Variants in CHL1 observed in about 807,000 individuals in gnomAD.
CHL1 encodes the protein neural cell adhesion molecule L1-like protein.
In CHL1, 96 loss-of-function variants were observed where a neutral mutation model predicts 141.9. The observed-to-expected ratio is 0.68, with a 90% CI of 0.57 to 0.80. The LOEUF (loss-of-function observed/expected upper bound fraction) is 0.80. Among genes scored for constraint, CHL1 ranks in the 30% least tolerant of loss-of-function variants. The probability of loss-of-function intolerance (pLI) is 0.00; values close to 1 mark genes in which losing one functional copy is unlikely to be tolerated. For synonymous variants in CHL1, 613 were observed against 502.2 expected, an observed-to-expected ratio of 1.22 and a Z score of -2.95; for missense variants, 1,820 against 1,457.2, an observed-to-expected ratio of 1.25 and a Z score of -4.05.
chr3:299,082 C>A (rs2124883934), intron 2 of CHL1, among the ~76,000 whole-genome samples: 1 of 152,264 alleles, frequency 6.6e-6, no homozygotes, highest in African/African-American at 2.4e-5. Flanking sequence ...TGAGTAACCT[C>A]CCATGTGCCA....
intron 2 of CHL1, among the ~76,000 whole-genome samples, chr3:249,366 A>G (rs569177200): frequency 6.6e-6 from 1 of 152,154 alleles, no homozygotes; most frequent in Non-Finnish European, 1.5e-5. Context: ...ATTTACCACA[A>G]CATCCCCACC....
At chr3:401,348 G>C (rs930881884) in intron 26 of CHL1, among the ~76,000 whole-genome samples, 19 of 152,168 alleles carry the variant, frequency 1.2e-4, no homozygotes, top group Admixed American at 3.9e-4. Flanking sequence ...CTTCCAATAA[G>C]ACTTCTCGTT....
At chr3:227,313 A>T (rs1374417424) in intron 1 of CHL1, among the ~76,000 whole-genome samples, 1 of 152,226 alleles carries the variant, frequency 6.6e-6, no homozygotes, top group Non-Finnish European at 1.5e-5. Flanking sequence ...GGAAATCCAA[A>T]GTTGGGGTCT....
chr3:289,872 T>C (rs1292939778), intron 2 of CHL1, among the ~76,000 whole-genome samples: 1 of 151,012 alleles, frequency 6.6e-6, no homozygotes, highest in African/African-American at 2.4e-5. Context: ...GCATCAAATA[T>C]ACCAAAAAAA....
chr3:251,523 C>CA (rs1189940593), intron 2 of CHL1, among the ~76,000 whole-genome samples: 3 of 152,084 alleles, frequency 2.0e-5, no homozygotes, highest in African/African-American at 4.8e-5. Context: ...TGATCTTAGG[C>CA]AAACCATTTT....
chr3:300,281 C>A (rs115846492), intron 2 of CHL1, among the ~76,000 whole-genome samples: 11 of 152,098 alleles, frequency 7.2e-5, no homozygotes, highest in African/African-American at 1.9e-4. Flanking sequence ...AATAAATGAA[C>A]CTTTGGATTT....
intron 19 of CHL1, among the ~76,000 whole-genome samples, chr3:386,369 G>T (rs1215694415): frequency 6.6e-6 from 1 of 152,078 alleles, no homozygotes; most frequent in Non-Finnish European, 1.5e-5. Context: ...TAACTTAATG[G>T]TAGAACTAGG....
intron 2 of CHL1, among the ~76,000 whole-genome samples, chr3:296,644 A>G (rs555297018): frequency 6.6e-6 from 1 of 152,252 alleles, no homozygotes; most frequent in South Asian, 2.1e-4. Flanking sequence ...TGAAGGTTAG[A>G]TGGTATGGAT....
intron 2 of CHL1, among the ~76,000 whole-genome samples, chr3:285,996 A>G (rs34132249): frequency 0.031 from 4,650 of 152,268 alleles, 77 homozygotes; most frequent in Middle Eastern, 0.061. Context: ...GATTGAACAT[A>G]ATTACAGTAA....
At chr3:320,816 A>G (rs752192212) in intron 3 of CHL1, among the ~76,000 whole-genome samples, 1 of 152,068 alleles carries the variant, frequency 6.6e-6, no homozygotes, top group Non-Finnish European at 1.5e-5. Context: ...GTTCTAAAAG[A>G]CCCACGAGAG....
intron 2 of CHL1, among the ~76,000 whole-genome samples, chr3:297,149 C>T (rs776938151): frequency 1.3e-5 from 2 of 152,078 alleles, no homozygotes; most frequent in Non-Finnish European, 2.9e-5. Context: ...TTGCTTGAGT[C>T]GGGGAGATGG....
chr3:218,110 A>T (rs958203827), intron 1 of CHL1, among the ~76,000 whole-genome samples: 3 of 152,190 alleles, frequency 2.0e-5, no homozygotes, highest in African/African-American at 7.2e-5. Context: ...AGTGGTTGTG[A>T]GATGACAAGG....
chr3:214,051 C>G (rs1700107517), intron 1 of CHL1, among the ~76,000 whole-genome samples: 2 of 152,106 alleles, frequency 1.3e-5, no homozygotes, highest in Non-Finnish European at 2.9e-5. Context: ...GGGAGTCAAC[C>G]TAATGCTTGC....
At chr3:276,960 C>T (rs562124741) in intron 2 of CHL1, among the ~76,000 whole-genome samples, 110 of 149,064 alleles carry the variant, frequency 7.4e-4, no homozygotes, top group African/African-American at 2.6e-3. Context: ...CATTCTAAAG[C>T]ACTCCACTTA....
intron 2 of CHL1, among the ~76,000 whole-genome samples, chr3:283,670 G>T (rs1696860487): frequency 6.6e-6 from 1 of 152,130 alleles, no homozygotes; most frequent in Non-Finnish European, 1.5e-5. Flanking sequence ...TGAAATATGG[G>T]CTTGATCATT....
chr3:277,567 A>G (rs1165869281), intron 2 of CHL1, among the ~76,000 whole-genome samples: 1 of 152,152 alleles, frequency 6.6e-6, no homozygotes, highest in Non-Finnish European at 1.5e-5. Flanking sequence ...TTCCGTTTTA[A>G]ACTATACTCA....
chr3:283,297 A>G (rs993439167), intron 2 of CHL1, among the ~76,000 whole-genome samples: 8 of 152,160 alleles, frequency 5.3e-5, no homozygotes, highest in African/African-American at 1.9e-4. Flanking sequence ...CTTTTTTGTG[A>G]TCCAACATTT....
chr3:401,692 A>G lies in CHL1; in HGVS notation c.3452A>G (p.Glu1151Gly), dbSNP rs748289212. ...IQSVKDETFG[E>G]YSDSDEKPLK... Reference sequence around the variant, plus strand: ...TCAGTAAAAGATGAAACCTTTGGTGAATACAGGTAAACATAAGGTTCTGTT... The same window carrying G: ...TCAGTAAAAGATGAAACCTTTGGTGGATACAGGTAAACATAAGGTTCTGTT... The change falls in exon 27 of 28, where the codon GAA (glutamate) becomes GGA (glycine). Residue 1151 changes from glutamate to glycine, a missense_variant. Glu to Gly is a moderately conservative substitution (Grantham distance 98, BLOSUM62 -2). Coordinates refer to ENST00000256509, the MANE Select transcript of CHL1 (RefSeq NM_006614.4). The G allele has an allele frequency of 3.2e-6, 5 of 1,560,612 alleles. No individual in the cohort carries two copies. In the Admixed American group the frequency reaches 9.2e-5, roughly 29 times the overall value.
intron 1 of CHL1, among the ~76,000 whole-genome samples, chr3:225,537 T>G (rs1701238074): frequency 6.6e-6 from 1 of 152,208 alleles, no homozygotes; most frequent in Non-Finnish European, 1.5e-5. Context: ...AAAACACATC[T>G]TTATATTTCT....
Sources: allele counts gnomAD v4.1 joint callset (sites outside exome capture counted in the v4.1 genomes callset), GRCh38; gene constraint gnomAD v4.1.1; transcripts MANE v1.5; gene names NCBI Gene and HGNC (gene_info 2026-07-23, HGNC 2026-07-21).